The following GLCE variants were observed in gnomAD, a reference collection of about 807,000 sequenced individuals.
GLCE encodes the protein glucuronic acid epimerase, also known as D-glucuronyl C5-epimerase.
GLCE carries 19 observed loss-of-function variants against 47.9 expected under a neutral mutation model. The ratio of observed to expected loss-of-function variants is 0.40; its 90% confidence interval spans 0.28 to 0.58. The LOEUF is 0.58. Ranked by LOEUF, GLCE falls within the 20% of genes least tolerant of loss-of-function variation. The pLI is 0.48. For synonymous variants in GLCE, 245 were observed against 263.4 expected (o/e 0.93, Z 0.68); for missense variants, 556 against 743.3 (o/e 0.75, Z 2.93).
chr15:69,230,047 G>A lies in GLCE; in HGVS notation c.-14+19641G>A, dbSNP rs185418871. 1.4e-3 allele frequency among the ~76,000 whole-genome samples: 218 copies of A among 151,592 alleles called. 1 individual carries two copies. Among genetic ancestry groups the A allele is most frequent in the African/African-American group, 5.1e-3 (213 of 41,370 alleles). ...CAACATGGTGAAACCCCATCTTTAC[G>A]AAAAATTAAAATTAGCTGGGCATGG... On this transcript the variant is annotated intron_variant, in intron 2 of 4. Coordinates refer to ENST00000261858, the MANE Select transcript of GLCE (RefSeq NM_015554.3).
intron 2 of GLCE, among the ~76,000 whole-genome samples, chr15:69,251,879 A>G (rs1423060085): frequency 2.6e-5 from 4 of 152,204 alleles, no homozygotes; most frequent in Non-Finnish European, 4.4e-5. Context: ...AAACAAAAGT[A>G]TATAGTGAGT....
chr15:69,191,680 T>G (rs1292454772), intron 1 of GLCE, among the ~76,000 whole-genome samples: 1 of 152,148 alleles, frequency 6.6e-6, no homozygotes, highest in Non-Finnish European at 1.5e-5. Flanking sequence ...AAGCAGATGT[T>G]CAGAATATTG....
rs1454940976 is a variant in GLCE, at chr15:69,210,384, T to A, written c.-36T>A. ...ATTGAAACCAGAGATGTTCTAGAGTTTAGATTCTTTCATTTGATTAAGGTA... is the reference window on the plus strand; with the variant it reads ...ATTGAAACCAGAGATGTTCTAGAGTATAGATTCTTTCATTTGATTAAGGTA... On this transcript the variant is annotated 5_prime_UTR_variant, in exon 2 of 5. Transcript: ENST00000261858. The A allele has an allele frequency of 1.3e-5, 2 of 152,116 alleles. No homozygotes were observed. The highest frequency in any genetic ancestry group is 2.9e-5 in the Non-Finnish European group (2 of 68,014). The allele number at this position is 152,116 out of a possible 1,614,324, so 9.4% of individuals were successfully genotyped here.
intron 1 of GLCE, among the ~76,000 whole-genome samples, chr15:69,161,962 T>C (rs1223044020): frequency 1.3e-5 from 2 of 152,218 alleles, no homozygotes; most frequent in African/African-American, 2.4e-5. Context: ...TCATCCTGCA[T>C]GATTAGATCT....
chr15:69,208,965 C>T (rs2052188962), intron 1 of GLCE, among the ~76,000 whole-genome samples: 1 of 152,068 alleles, frequency 6.6e-6, no homozygotes, highest in African/African-American at 2.4e-5. Flanking sequence ...GACCTTTTCT[C>T]CCCAATCTTT....
intron 2 of GLCE, among the ~76,000 whole-genome samples, chr15:69,215,147 TAG>T (rs765795309): frequency 1.6e-4 from 25 of 152,304 alleles, no homozygotes; most frequent in Non-Finnish European, 3.5e-4. Context: ...GAAAAATGCA[TAG>T]AGTCACATAT....
At chr15:69,240,181 C>A (rs898019851) in intron 2 of GLCE, among the ~76,000 whole-genome samples, 4 of 150,568 alleles carry the variant, frequency 2.7e-5, no homozygotes, top group Non-Finnish European at 5.9e-5. Flanking sequence ...GTTCACATCT[C>A]TATCATGAAG....
chr15:69,240,601 GCC>G (rs1175126654), intron 2 of GLCE, among the ~76,000 whole-genome samples: 1 of 152,006 alleles, frequency 6.6e-6, no homozygotes, highest in East Asian at 1.9e-4. Context: ...AATAAGTACG[GCC>G]TATAGGATGG....
chr15:69,226,941 C>T (rs1393821747), intron 2 of GLCE, among the ~76,000 whole-genome samples: 10 of 151,856 alleles, frequency 6.6e-5, no homozygotes, highest in South Asian at 4.2e-4. Context: ...GATAGGGTTT[C>T]GCCATGTTGG....
At chr15:69,249,292 A>C (rs2052802086) in intron 2 of GLCE, among the ~76,000 whole-genome samples, 1 of 152,176 alleles carries the variant, frequency 6.6e-6, no homozygotes, top group South Asian at 2.1e-4. Context: ...TTAACACCTT[A>C]AAAGGTTAAG....
At chr15:69,251,631 C>A (rs921542289) in intron 2 of GLCE, among the ~76,000 whole-genome samples, 1 of 152,098 alleles carries the variant, frequency 6.6e-6, no homozygotes, top group African/African-American at 2.4e-5. Context: ...CCTACAAAGA[C>A]AAGTAAATAA....
intron 2 of GLCE, among the ~76,000 whole-genome samples, chr15:69,248,306 A>G (rs186293374): frequency 1.3e-5 from 2 of 152,336 alleles, no homozygotes; most frequent in African/African-American, 4.8e-5. Flanking sequence ...AGCAGTAAAC[A>G]GATGGAACAT....
At chr15:69,163,093 A>G (rs2051450086) in intron 1 of GLCE, among the ~76,000 whole-genome samples, 1 of 152,248 alleles carries the variant, frequency 6.6e-6, no homozygotes, top group South Asian at 2.1e-4. Flanking sequence ...ATTTACAGCT[A>G]TCACAACTGA....
At chr15:69,219,589 G>A (rs1254369977) in intron 2 of GLCE, among the ~76,000 whole-genome samples, 3 of 152,084 alleles carry the variant, frequency 2.0e-5, no homozygotes, top group African/African-American at 7.2e-5. Flanking sequence ...AACTAGTTGT[G>A]TGACTTTGGA....
chr15:69,232,542 G>A (rs1280966707), intron 2 of GLCE, among the ~76,000 whole-genome samples: 2 of 152,078 alleles, frequency 1.3e-5, no homozygotes, highest in East Asian at 3.9e-4. Flanking sequence ...ATTGAGTTAT[G>A]CCTTTATTTT....
chr15:69,246,127 C>T (rs999238014), intron 2 of GLCE, among the ~76,000 whole-genome samples: 2 of 152,176 alleles, frequency 1.3e-5, no homozygotes, highest in African/African-American at 4.8e-5. Flanking sequence ...CAATTCAGCC[C>T]CCTCTTCAGA....
intron 1 of GLCE, among the ~76,000 whole-genome samples, chr15:69,205,279 C>T (rs1275574517): frequency 1.3e-5 from 2 of 152,026 alleles, no homozygotes; most frequent in Non-Finnish European, 1.5e-5. Context: ...TCCATTTACT[C>T]AGCATATGCC....
intron 1 of GLCE, among the ~76,000 whole-genome samples, chr15:69,173,711 G>A (rs1418870070): frequency 6.6e-6 from 1 of 152,004 alleles, no homozygotes; most frequent in Non-Finnish European, 1.5e-5. Context: ...TTTCTTCATT[G>A]GTTGTAATTC....
intron 1 of GLCE, among the ~76,000 whole-genome samples, chr15:69,185,655 C>A (rs1419146164): frequency 1.3e-5 from 2 of 151,968 alleles, no homozygotes; most frequent in Admixed American, 6.6e-5. Flanking sequence ...TTTCTACTCT[C>A]ACACCACCAC....
Sources: allele counts gnomAD v4.1 joint callset (sites outside exome capture counted in the v4.1 genomes callset), GRCh38; gene constraint gnomAD v4.1.1; transcripts MANE v1.5; gene names NCBI Gene and HGNC (gene_info 2026-07-23, HGNC 2026-07-21).